SH3BGRL: variants seen among roughly 807,000 people sequenced by gnomAD.
SH3BGRL encodes the protein SH3 domain binding glutamate rich protein like.
Under a neutral mutation model 9.8 loss-of-function variants are expected in SH3BGRL, and 7 were observed. That is an observed-to-expected ratio of 0.72 (90% confidence interval 0.41 to 1.35). The LOEUF (loss-of-function observed/expected upper bound fraction) is 1.35. Ranked by LOEUF, SH3BGRL falls within the 40% of genes most tolerant of loss-of-function variation. SH3BGRL has a pLI of 0.01. For synonymous variants in SH3BGRL, 36 were observed against 29.1 expected (o/e 1.24, Z -0.76); for missense variants, 73 against 84.4 (o/e 0.86, Z 0.53).
chrX:81,265,707 T>C (rs1038803015), intron 1 of SH3BGRL, among the ~76,000 whole-genome samples: 15 of 112,153 alleles, frequency 1.3e-4, no homozygotes, highest in African/African-American at 4.9e-4. Flanking sequence ...GATTTATAAT[T>C]CTTTGGGTAT....
At chrX:81,276,549 C>T (rs1488288191) in intron 1 of SH3BGRL, among the ~76,000 whole-genome samples, 4 of 111,021 alleles carry the variant, frequency 3.6e-5, no homozygotes, top group Non-Finnish European at 5.7e-5. Flanking sequence ...AGGAAAGATT[C>T]ATTTCTATTG....
At chrX:81,240,817 C>T (rs1330240176) in intron 1 of SH3BGRL, among the ~76,000 whole-genome samples, 1 of 112,886 alleles carries the variant, frequency 8.9e-6, no homozygotes, top group East Asian at 2.8e-4. Flanking sequence ...GTGTCTGGAG[C>T]AGCCTCTGTG....
At chrX:81,268,689 T>C (rs1187237306) in intron 1 of SH3BGRL, among the ~76,000 whole-genome samples, 1 of 111,923 alleles carries the variant, frequency 8.9e-6, no homozygotes, top group Non-Finnish European at 1.9e-5. Flanking sequence ...AGAATGTATA[T>C]TCTATTGATT....
intron 1 of SH3BGRL, among the ~76,000 whole-genome samples, chrX:81,259,749 A>G (rs953556143): frequency 9.0e-6 from 1 of 111,291 alleles, no homozygotes; most frequent in African/African-American, 3.3e-5. Context: ...CCCTTTTATT[A>G]CTCATTTTCT....
At chrX:81,282,915 C>T (rs2075822365) in intron 3 of SH3BGRL, among the ~76,000 whole-genome samples, 1 of 111,555 alleles carries the variant, frequency 9.0e-6, no homozygotes, top group African/African-American at 3.3e-5. Context: ...AATGGATAGA[C>T]CATTAGCAAG....
At chrX:81,277,235 C>T in intron 2 of SH3BGRL, 66 bp downstream of exon 2, 1 of 935,863 alleles carries the variant, frequency 1.1e-6, no homozygotes. Context: ...ATTATTTTCA[C>T]CTCTGCCTCC....
intron 1 of SH3BGRL, among the ~76,000 whole-genome samples, chrX:81,208,020 G>A (rs745854756): frequency 1.8e-5 from 2 of 111,721 alleles, no homozygotes; most frequent in Non-Finnish European, 3.8e-5. Context: ...ACTTTGGGAG[G>A]CCGAGCTAGG....
chrX:81,263,155 G>C (rs2075746281), intron 1 of SH3BGRL, among the ~76,000 whole-genome samples: 2 of 109,849 alleles, frequency 1.8e-5, no homozygotes, highest in Non-Finnish European at 3.8e-5. Flanking sequence ...GCAGATGAAG[G>C]GAACAAAGAG....
chrX:81,224,321 T>C (rs1414295984), intron 1 of SH3BGRL, among the ~76,000 whole-genome samples: 3 of 111,235 alleles, frequency 2.7e-5, no homozygotes, highest in Admixed American at 9.6e-5. Context: ...CTTAGGGAAA[T>C]GGGTTAACCT....
At chrX:81,203,402 G>A (rs767408560) in intron 1 of SH3BGRL, among the ~76,000 whole-genome samples, 3 of 111,922 alleles carry the variant, frequency 2.7e-5, no homozygotes, top group East Asian at 2.8e-4. Flanking sequence ...GCCACCATGT[G>A]TGGATATGTT....
At chrX:81,213,219 GA>G (rs2075571041) in intron 1 of SH3BGRL, among the ~76,000 whole-genome samples, 1 of 111,446 alleles carries the variant, frequency 9.0e-6, no homozygotes, top group African/African-American at 3.3e-5. Flanking sequence ...GCAGTTATAA[GA>G]AAAAAATAGT....
At chrX:81,221,613 C>T (rs1216566986) in intron 1 of SH3BGRL, among the ~76,000 whole-genome samples, 1 of 111,748 alleles carries the variant, frequency 8.9e-6, no homozygotes, top group Non-Finnish European at 1.9e-5. Context: ...GGGTGTCTTA[C>T]TCCCAGGAGT....
chrX:81,294,253 C>T (rs1483470527), intron 3 of SH3BGRL, among the ~76,000 whole-genome samples: 6 of 111,219 alleles, frequency 5.4e-5, no homozygotes, highest in African/African-American at 2.0e-4. Flanking sequence ...GAGGTCTTCA[C>T]GGCAGCCCCT....
At chrX:81,258,996 G>T (rs2075733411) in intron 1 of SH3BGRL, among the ~76,000 whole-genome samples, 1 of 112,661 alleles carries the variant, frequency 8.9e-6, no homozygotes, top group African/African-American at 3.2e-5. Context: ...CTGGCTCATA[G>T]TTTTCATCCA....
At chrX:81,217,187 T>C (rs922089499) in intron 1 of SH3BGRL, among the ~76,000 whole-genome samples, 4 of 111,208 alleles carry the variant, frequency 3.6e-5, no homozygotes, top group African/African-American at 9.8e-5. Context: ...ATCTCACTAA[T>C]GGTCAATTAA....
chrX:81,247,673 C>A (rs765510023), intron 1 of SH3BGRL, among the ~76,000 whole-genome samples: 17 of 111,206 alleles, frequency 1.5e-4, no homozygotes, highest in African/African-American at 4.6e-4. Flanking sequence ...GATTGTGGTG[C>A]ATTAACTTTC....
intron 3 of SH3BGRL, among the ~76,000 whole-genome samples, chrX:81,286,159 CTTACT>C (rs1019452821): frequency 1.1e-4 from 12 of 110,631 alleles, no homozygotes; most frequent in Non-Finnish European, 1.9e-4. Flanking sequence ...ACTGGCATTT[CTTACT>C]TTAAAGTGGA....
intron 3 of SH3BGRL, among the ~76,000 whole-genome samples, chrX:81,287,979 AAGAG>A (rs1363158367): frequency 1.8e-5 from 2 of 108,878 alleles, no homozygotes; most frequent in African/African-American, 6.8e-5. Context: ...GAAAGAAAGA[AAGAG>A]AAAGAAAGAA....
Position 81,214,063 on chromosome X carries a change from A to T in SH3BGRL, c.45+11818A>T, listed in dbSNP as rs182821085. Among the ~76,000 whole-genome samples the T allele has an allele frequency of 1.4e-4, 16 of 112,657 alleles. No individual in the cohort carries two copies. The East Asian group carries it at 4.2e-3, about 29-fold the overall frequency. ...GTTCACATTTCGGAGGAGGTGAAAGAAACAGGAACAGCAGGAAACACGTGG... is the reference window on the plus strand; with the variant it reads ...GTTCACATTTCGGAGGAGGTGAAAGTAACAGGAACAGCAGGAAACACGTGG... On this transcript the variant is annotated intron_variant, in intron 1 of 3. Coordinates refer to ENST00000373212, the MANE Select transcript of SH3BGRL (RefSeq NM_003022.3).
Sources: allele counts gnomAD v4.1 joint callset (sites outside exome capture counted in the v4.1 genomes callset), GRCh38; gene constraint gnomAD v4.1.1; transcripts MANE v1.5; gene names NCBI Gene and HGNC (gene_info 2026-07-23, HGNC 2026-07-21).